The following HIPK2 variants were observed in gnomAD, a reference collection of about 807,000 sequenced individuals.
HIPK2 encodes the protein homeodomain-interacting protein kinase 2.
A neutral mutation model predicts 113.7 loss-of-function variants in HIPK2; 27 were observed. The ratio of observed to expected loss-of-function variants is 0.24; its 90% confidence interval spans 0.17 to 0.33. The LOEUF (loss-of-function observed/expected upper bound fraction) is 0.33. Among genes scored for constraint, HIPK2 ranks in the 10% least tolerant of loss-of-function variants. The pLI, the probability that HIPK2 is intolerant of heterozygous loss-of-function variation, is 1.00. For synonymous variants in HIPK2, 631 were observed against 642.2 expected (o/e 0.98, Z 0.26); for missense variants, 1,257 against 1,588.0 (o/e 0.79, Z 3.54).
At chr7:139,707,040 G>A (rs1021043733) in intron 2 of HIPK2, among the ~76,000 whole-genome samples, 19 of 152,178 alleles carry the variant, frequency 1.2e-4, no homozygotes, top group African/African-American at 4.1e-4. Context: ...CAACCCCTGC[G>A]ACCAGAGCCC....
intron 1 of HIPK2, among the ~76,000 whole-genome samples, chr7:139,764,225 T>C (rs1796516740): frequency 6.6e-6 from 1 of 152,222 alleles, no homozygotes; most frequent in African/African-American, 2.4e-5. Flanking sequence ...CATACAACAT[T>C]ATTACACCAA....
intron 6 of HIPK2, among the ~76,000 whole-genome samples, chr7:139,624,108 C>T (rs1016423963): frequency 1.3e-4 from 19 of 151,906 alleles, no homozygotes; most frequent in East Asian, 1.9e-4. Flanking sequence ...CTGCAACCTC[C>T]GCCTCCTGGG....
chr7:139,581,206 C>T (rs932252845), intron 13 of HIPK2, among the ~76,000 whole-genome samples: 2 of 152,040 alleles, frequency 1.3e-5, no homozygotes, highest in Non-Finnish European at 2.9e-5. Context: ...GGTGACACAG[C>T]GAGACTCCTC....
chr7:139,771,431 TA>T (rs781397957), intron 1 of HIPK2, among the ~76,000 whole-genome samples: 5 of 151,812 alleles, frequency 3.3e-5, no homozygotes, highest in African/African-American at 1.2e-4. Context: ...GGATGCCAGA[TA>T]CAAGTACAAG....
chr7:139,645,420 A>C (rs762057823), intron 2 of HIPK2, among the ~76,000 whole-genome samples: 1 of 152,248 alleles, frequency 6.6e-6, no homozygotes, highest in Non-Finnish European at 1.5e-5. Context: ...GTCAAACACA[A>C]GTTAGAGAGT....
intron 2 of HIPK2, among the ~76,000 whole-genome samples, chr7:139,701,040 T>C (rs1794691676): frequency 6.6e-6 from 1 of 152,248 alleles, no homozygotes; most frequent in Non-Finnish European, 1.5e-5. Flanking sequence ...TCTTTCTGTT[T>C]CTGTCAGCGC....
chr7:139,695,065 T>G (rs1794524148), intron 2 of HIPK2, among the ~76,000 whole-genome samples: 1 of 152,248 alleles, frequency 6.6e-6, no homozygotes, highest in African/African-American at 2.4e-5. Flanking sequence ...TGCCTCTGGC[T>G]GCGAGGTTCG....
intron 1 of HIPK2, among the ~76,000 whole-genome samples, chr7:139,766,343 G>C (rs1464603095): frequency 6.6e-6 from 1 of 152,224 alleles, no homozygotes; most frequent in Non-Finnish European, 1.5e-5. Context: ...GTCTCAGTAA[G>C]AGTATTCCTG....
rs1252008458 is a variant in HIPK2, at chr7:139,626,767, A to C, written c.1453T>G (p.Leu485Val). Residue 485 changes from leucine to valine, a missense_variant, in exon 6 of 15, where the codon TTG becomes GTG. Transcript: ENST00000406875. Reference protein sequence around the residue: ...DMAQVNMTTDLEGSDMLVEKA... With the variant: ...DMAQVNMTTDVEGSDMLVEKA... ...TCTACCAACATGTCGCTCCCTTCCA[A>C]ATCTGTCGTCATGTTCACCTGGACG... 6.2e-7 allele frequency: 1 copy of C among 1,613,808 alleles called. No individual in the cohort carries two copies. The highest frequency in any genetic ancestry group is 8.5e-7 in the Non-Finnish European group (1 of 1,179,888).
intron 13 of HIPK2, among the ~76,000 whole-genome samples, chr7:139,581,312 C>T (rs980719212): frequency 2.0e-5 from 3 of 152,158 alleles, no homozygotes; most frequent in Non-Finnish European, 2.9e-5. Context: ...GAGCTGCTGT[C>T]GGTGAGTCGG....
At chr7:139,582,816 C>G (rs1236772536) in intron 13 of HIPK2, among the ~76,000 whole-genome samples, 1 of 152,072 alleles carries the variant, frequency 6.6e-6, no homozygotes, top group Non-Finnish European at 1.5e-5. Flanking sequence ...GCAGGCTGGC[C>G]TGAGGCACTG....
intron 1 of HIPK2, among the ~76,000 whole-genome samples, chr7:139,765,153 A>G (rs1389612787): frequency 1.3e-5 from 2 of 152,068 alleles, no homozygotes; most frequent in African/African-American, 4.8e-5. Context: ...AAAAAAATTA[A>G]ACTTTGGCAA....
In HIPK2 at chr7:139,777,734, T is replaced by G; in HGVS notation, c.-111A>C. On this transcript the variant is annotated 5_prime_UTR_variant, in exon 1 of 15. Transcript: ENST00000406875. ...CCATCTTGAGCCTGTGTCTCCGCTCTCGGCGCAGCCGAGGCCGCCCGCGCC... is the reference window on the plus strand; with the variant it reads ...CCATCTTGAGCCTGTGTCTCCGCTCGCGGCGCAGCCGAGGCCGCCCGCGCC... 1 of 960,438 alleles carries G rather than the reference T, an allele frequency of 1.0e-6. No homozygotes were observed. The highest frequency in any genetic ancestry group is 1.2e-6 in the Non-Finnish European group (1 of 805,682). The allele number at this position is 960,438 out of a possible 1,614,324, so 59.5% of individuals were successfully genotyped here.
At chr7:139,628,709 C>A (rs933000259) in intron 5 of HIPK2, among the ~76,000 whole-genome samples, 8 of 152,192 alleles carry the variant, frequency 5.3e-5, no homozygotes, top group African/African-American at 1.7e-4. Context: ...GCTAGGATTA[C>A]AGGCATGAGC....
chr7:139,652,690 C>T (rs570667361), intron 2 of HIPK2, among the ~76,000 whole-genome samples: 6 of 152,186 alleles, frequency 3.9e-5, no homozygotes, highest in African/African-American at 4.8e-5. Flanking sequence ...TAGACCTCAG[C>T]GGACTCCACT....
At chr7:139,775,618 C>A (rs1796726105) in intron 1 of HIPK2, among the ~76,000 whole-genome samples, 1 of 152,160 alleles carries the variant, frequency 6.6e-6, no homozygotes. Flanking sequence ...TCACCTGAGA[C>A]AGGGAAGGAA....
At chr7:139,748,027 C>T (rs1467104720) in intron 1 of HIPK2, among the ~76,000 whole-genome samples, 1 of 151,750 alleles carries the variant, frequency 6.6e-6, no homozygotes, top group Non-Finnish European at 1.5e-5. Context: ...TTGCAGGTGG[C>T]CAATTTTTTT....
chr7:139,597,102 A>G, intron 11 of HIPK2, 104 bp from the exon 12 acceptor site: 2 of 1,271,598 alleles, frequency 1.6e-6, no homozygotes, highest in Non-Finnish European at 2.2e-6. Context: ...AAATCTCTGT[A>G]AAACACGTCA....
At chr7:139,585,261 T>C (rs2116561090) in intron 12 of HIPK2, among the ~76,000 whole-genome samples, 1 of 152,288 alleles carries the variant, frequency 6.6e-6, no homozygotes, top group Admixed American at 6.5e-5. Context: ...CTTCCCATGA[T>C]GGATCTCCAC....
Sources: gnomAD v4.1 joint callset for allele counts (sites outside exome capture counted in the v4.1 genomes callset) on GRCh38, gnomAD v4.1.1 for gene constraint, MANE v1.5 for transcripts, NCBI Gene and HGNC (gene_info 2026-07-23, HGNC 2026-07-21) for gene names.